The following ACOXL variants were observed in gnomAD, a reference collection of about 807,000 sequenced individuals.
The protein encoded by ACOXL is acyl-coenzyme A oxidase-like protein.
Under a neutral mutation model 71.9 loss-of-function variants are expected in ACOXL, and 70 were observed. The ratio of observed to expected loss-of-function variants is 0.97; its 90% confidence interval spans 0.80 to 1.19. The LOEUF is 1.19. ACOXL is among the 50% of genes most tolerant of loss of function. The pLI, the probability that ACOXL is intolerant of heterozygous loss-of-function variation, is 0.00. For synonymous variants in ACOXL, 253 were observed against 281.6 expected (o/e 0.90, Z 1.02); for missense variants, 703 against 736.3 (o/e 0.95, Z 0.52).
chr2:110,968,456 T>C, intron 12 of ACOXL: 1 of 1,222,764 alleles, frequency 8.2e-7, no homozygotes, highest in East Asian at 2.3e-5. Flanking sequence ...GCAGATTACC[T>C]GTGCTACTTA....
chr2:110,944,748 G>C (rs2061031507), intron 12 of ACOXL, among the ~76,000 whole-genome samples: 1 of 152,146 alleles, frequency 6.6e-6, no homozygotes, highest in African/African-American at 2.4e-5. Flanking sequence ...GTCTATTATT[G>C]ATGGGCATTT....
intron 1 of ACOXL, among the ~76,000 whole-genome samples, chr2:110,735,606 C>T (rs1676737252): frequency 6.6e-6 from 1 of 152,206 alleles, no homozygotes. Context: ...GCAATGTAGG[C>T]ACAGCCCAGG....
chr2:110,977,405 CA>C (rs1574357034), intron 12 of ACOXL, among the ~76,000 whole-genome samples: 1 of 150,080 alleles, frequency 6.7e-6, no homozygotes, highest in Non-Finnish European at 1.5e-5. Context: ...AGAAAAAACA[CA>C]AAAAACTTCT....
chr2:110,763,100 TG>T (rs1461202851), intron 1 of ACOXL, among the ~76,000 whole-genome samples: 1 of 152,242 alleles, frequency 6.6e-6, no homozygotes, highest in African/African-American at 2.4e-5. Flanking sequence ...TCTATGTTCA[TG>T]GAGAGGAAAC....
At chr2:110,763,500 C>T (rs887434555) in intron 1 of ACOXL, among the ~76,000 whole-genome samples, 1 of 152,186 alleles carries the variant, frequency 6.6e-6, no homozygotes, top group African/African-American at 2.4e-5. Flanking sequence ...CCCACCCCCA[C>T]ATAAATCTAT....
intron 10 of ACOXL, among the ~76,000 whole-genome samples, chr2:110,873,562 G>T (rs116014061): frequency 0.028 from 4,192 of 152,264 alleles, 104 homozygotes; most frequent in Middle Eastern, 0.041. Flanking sequence ...GCACCTGGTG[G>T]GTGGGAAGGG....
At chr2:111,090,574 C>T (rs1298464876) in intron 16 of ACOXL, among the ~76,000 whole-genome samples, 1 of 152,148 alleles carries the variant, frequency 6.6e-6, no homozygotes, top group Admixed American at 6.5e-5. Context: ...TACACAAAAG[C>T]CACAGACTGT....
intron 15 of ACOXL, among the ~76,000 whole-genome samples, chr2:111,038,064 G>A (rs1182402767): frequency 6.6e-6 from 1 of 152,190 alleles, no homozygotes; most frequent in East Asian, 1.9e-4. Flanking sequence ...TGGAGCAAAG[G>A]GAGCCAACAT....
At chr2:110,867,177 G>C (rs1431486680) in intron 10 of ACOXL, among the ~76,000 whole-genome samples, 2 of 152,194 alleles carry the variant, frequency 1.3e-5, no homozygotes, top group Non-Finnish European at 2.9e-5. Context: ...GGATCCGGGG[G>C]ATGAGGGAGG....
chr2:110,852,749 T>C (rs1273648363), intron 10 of ACOXL, among the ~76,000 whole-genome samples: 1 of 152,198 alleles, frequency 6.6e-6, no homozygotes, highest in African/African-American at 2.4e-5. Context: ...TTTTTTCTTT[T>C]TCCTGAGGTG....
At chr2:110,846,928 C>T (rs893354762) in intron 10 of ACOXL, among the ~76,000 whole-genome samples, 14 of 152,142 alleles carry the variant, frequency 9.2e-5, no homozygotes, top group Admixed American at 5.2e-4. Context: ...TGACTGCCTG[C>T]GCGCTTAACA....
chr2:110,980,667 A>G (rs1249046842), intron 12 of ACOXL, among the ~76,000 whole-genome samples: 2 of 152,006 alleles, frequency 1.3e-5, no homozygotes, highest in African/African-American at 4.8e-5. Context: ...TGACACTGTC[A>G]CTCAGTTCCC....
chr2:110,818,817 A>G (rs886346885), intron 9 of ACOXL, among the ~76,000 whole-genome samples: 19 of 151,068 alleles, frequency 1.3e-4, no homozygotes, highest in Admixed American at 1.1e-3. Flanking sequence ...ACCTGAAATG[A>G]TTTCAGGTGC....
chr2:110,799,215 C>T (rs1034398130), intron 7 of ACOXL, 115 bp downstream of exon 7: 2 of 996,916 alleles, frequency 2.0e-6, no homozygotes, highest in African/African-American at 1.6e-5. Flanking sequence ...GAGAAAACTT[C>T]CCCAGAGAAG....
chr2:110,784,351 T>C (rs1683690508), intron 2 of ACOXL, among the ~76,000 whole-genome samples: 1 of 152,006 alleles, frequency 6.6e-6, no homozygotes, highest in African/African-American at 2.4e-5. Context: ...TGGCACACAT[T>C]GGAGGAGCTG....
chr2:110,926,026 G>A (rs992925870), intron 11 of ACOXL, among the ~76,000 whole-genome samples: 1 of 152,024 alleles, frequency 6.6e-6, no homozygotes, highest in Admixed American at 6.6e-5. Context: ...ACGGGGAAAT[G>A]GCAGGTCAGT....
At chr2:110,888,334 T>C (rs979337576) in intron 10 of ACOXL, among the ~76,000 whole-genome samples, 7 of 152,208 alleles carry the variant, frequency 4.6e-5, no homozygotes, top group Admixed American at 1.3e-4. Flanking sequence ...TGGTTTCTGC[T>C]ATAATAGAAA....
intron 10 of ACOXL, among the ~76,000 whole-genome samples, chr2:110,883,834 T>C (rs925807857): frequency 4.6e-5 from 7 of 152,252 alleles, no homozygotes; most frequent in African/African-American, 9.6e-5. Context: ...CTTAAAGACA[T>C]ACTCCATCCT....
At chr2:110,879,131 A>G (rs1198428755) in intron 10 of ACOXL, among the ~76,000 whole-genome samples, 1 of 152,234 alleles carries the variant, frequency 6.6e-6, no homozygotes, top group Non-Finnish European at 1.5e-5. Context: ...GGAACCACTA[A>G]AAGAAATATT....
Sources: allele counts gnomAD v4.1 joint callset (sites outside exome capture counted in the v4.1 genomes callset), GRCh38; gene constraint gnomAD v4.1.1; transcripts MANE v1.5; gene names NCBI Gene and HGNC (gene_info 2026-07-23, HGNC 2026-07-21).